WDPCP: variants seen among roughly 807,000 people sequenced by gnomAD.
WDPCP encodes WD repeat-containing and planar cell polarity effector protein fritz homolog.
WDPCP carries 71 observed loss-of-function variants against 93.1 expected under a neutral mutation model. That is an observed-to-expected ratio of 0.76 (90% CI 0.63 to 0.93). The LOEUF (loss-of-function observed/expected upper bound fraction) is 0.93, where lower values mean the gene tolerates loss of function less well. Among genes scored for constraint, WDPCP ranks in the 40% least tolerant of loss-of-function variants. WDPCP has a pLI of 0.00. For missense variants in WDPCP, 844 were observed against 887.4 expected (o/e 0.95, Z 0.62); for synonymous variants, 315 against 315.0 (o/e 1.00, Z 0.00).
intron 6 of WDPCP, among the ~76,000 whole-genome samples, chr2:63,445,160 ACACG>A (rs1697763308): frequency 7.1e-6 from 1 of 139,982 alleles, no homozygotes; most frequent in Non-Finnish European, 1.6e-5. Flanking sequence ...TTAAAAAAAA[ACACG>A]TAAGTGCCTC....
At chr2:63,139,666 TG>T (rs1670913737) in intron 17 of WDPCP, among the ~76,000 whole-genome samples, 3 of 152,340 alleles carry the variant, frequency 2.0e-5, no homozygotes, top group South Asian at 4.1e-4. Flanking sequence ...TTTATGGGAT[TG>T]TTTTTTTCTT....
chr2:63,312,594 C>T lies in WDPCP; in HGVS notation c.1812+654G>A, dbSNP rs570233433. Among the ~76,000 whole-genome samples, 24 of 152,228 alleles carry T rather than the reference C, an allele frequency of 1.6e-4. No homozygotes were observed. In the South Asian group the frequency reaches 3.7e-3, roughly 24 times the overall value. Reference sequence around the variant, plus strand: ...CTGTCTAACAGAATATGCTGGGAAACGAGGAAAGGACTTTTCCTTTGTTCA... The same window carrying T: ...CTGTCTAACAGAATATGCTGGGAAATGAGGAAAGGACTTTTCCTTTGTTCA... On this transcript the variant is annotated intron_variant, in intron 13 of 17. Transcript: ENST00000272321.
chr2:63,765,201 A>G (rs565029193), intron 2 of WDPCP, among the ~76,000 whole-genome samples: 98 of 152,322 alleles, frequency 6.4e-4, no homozygotes, highest in Non-Finnish European at 1.2e-3. Context: ...TAATGGCAGA[A>G]CTCTAACCCA....
intron 1 of WDPCP, among the ~76,000 whole-genome samples, chr2:63,558,487 C>T (rs1307748800): frequency 6.6e-6 from 1 of 150,944 alleles, no homozygotes; most frequent in Non-Finnish European, 1.5e-5. Flanking sequence ...TGAGACCGCA[C>T]CACTGCACTC....
rs1672082465 is a variant in WDPCP at position 63,154,301 on chromosome 2, TTA to T, written c.2079-729_2079-728del. Among the ~76,000 whole-genome samples, 5 of 152,186 alleles carry T rather than the reference TTA, an allele frequency of 3.3e-5. No homozygotes were observed. The South Asian group carries it at 1.0e-3, about 32-fold the overall frequency. On this transcript the variant is annotated intron_variant, in intron 15 of 17. Coordinates refer to ENST00000272321, the MANE Select transcript of WDPCP (RefSeq NM_015910.7). ...GCCAAAAAACCCTCCCTTATATACT[TTA>T]TAGTCACACCCCCTCAACCTATACA...
At chr2:63,497,661 C>T (rs6546007) in intron 1 of WDPCP, among the ~76,000 whole-genome samples, 122,374 of 152,136 alleles carry the variant, frequency 0.8, 49,887 homozygotes, top group East Asian at 0.99. Context: ...TGCAGGTTTT[C>T]TGAAAGACAC....
At chr2:63,596,655 T>C (rs963668144) in intron 3 of WDPCP, among the ~76,000 whole-genome samples, 1 of 152,250 alleles carries the variant, frequency 6.6e-6, no homozygotes, top group East Asian at 1.9e-4. Flanking sequence ...TTCAGACTTA[T>C]GGCAGCCTTG....
chr2:63,674,126 T>C (rs1373931394), intron 2 of WDPCP, among the ~76,000 whole-genome samples: 1 of 152,214 alleles, frequency 6.6e-6, no homozygotes, highest in Non-Finnish European at 1.5e-5. Context: ...CAAGGCCACA[T>C]TGGTCTGGGG....
chr2:63,762,408 T>C (rs1005637831), intron 2 of WDPCP, among the ~76,000 whole-genome samples: 3 of 152,204 alleles, frequency 2.0e-5, no homozygotes, highest in Non-Finnish European at 2.9e-5. Context: ...AATGCACTCA[T>C]TACCCCTTTC....
At chr2:63,403,685 C>T (rs1419377026) in intron 10 of WDPCP, 2 of 168,570 alleles carry the variant, frequency 1.2e-5, no homozygotes, top group Admixed American at 1.2e-4. Flanking sequence ...AAAAATTATT[C>T]CATTCCTACA....
intron 14 of WDPCP, among the ~76,000 whole-genome samples, chr2:63,194,521 GA>G (rs1675277223): frequency 7.8e-6 from 1 of 127,598 alleles, no homozygotes. Flanking sequence ...AGCAAAACAG[GA>G]AAAATATGCA....
intron 1 of WDPCP, among the ~76,000 whole-genome samples, chr2:63,555,404 T>TC (rs1453138787): frequency 2.0e-5 from 1 of 49,678 alleles, no homozygotes; most frequent in African/African-American, 2.4e-4. Flanking sequence ...GCGGACTTAG[T>TC]TTTTCCCCTG....
At chr2:63,461,849 C>A (rs1316087759) in intron 6 of WDPCP, among the ~76,000 whole-genome samples, 1 of 152,176 alleles carries the variant, frequency 6.6e-6, no homozygotes, top group African/African-American at 2.4e-5. Context: ...TTTCCAGTTT[C>A]CCACCTGTCC....
intron 1 of WDPCP, among the ~76,000 whole-genome samples, chr2:63,511,770 C>T (rs923275799): frequency 3.3e-5 from 5 of 152,092 alleles, no homozygotes; most frequent in Admixed American, 6.6e-5. Flanking sequence ...AAGATTTAAA[C>T]GTAAGACCTA....
At chr2:63,470,111 C>T (rs887308312) in intron 6 of WDPCP, among the ~76,000 whole-genome samples, 6 of 152,152 alleles carry the variant, frequency 3.9e-5, no homozygotes, top group Admixed American at 1.3e-4. Context: ...CCCTTTTCTC[C>T]GTCTCTCTAA....
At chr2:63,604,918 C>T (rs745767721) in intron 3 of WDPCP, 23 of 1,588,836 alleles carry the variant, frequency 1.4e-5, no homozygotes, top group Non-Finnish European at 2.0e-5. Context: ...GTAAAGAACT[C>T]TTGAGAGACT....
At chr2:63,438,077 A>G (rs1697259585) in intron 7 of WDPCP, 1 of 1,071,212 alleles carries the variant, frequency 9.3e-7, no homozygotes, top group African/African-American at 1.6e-5. Flanking sequence ...CAATATGTAC[A>G]TTACATAAAT....
At chr2:63,464,850 A>T (rs1699239315) in intron 6 of WDPCP, among the ~76,000 whole-genome samples, 2 of 152,086 alleles carry the variant, frequency 1.3e-5, no homozygotes, top group African/African-American at 2.4e-5. Context: ...TCATAGAAAC[A>T]GAAAGTAGAA....
At chr2:63,325,140 G>A (rs1372938811) in intron 12 of WDPCP, among the ~76,000 whole-genome samples, 2 of 152,186 alleles carry the variant, frequency 1.3e-5, no homozygotes, top group Non-Finnish European at 2.9e-5. Flanking sequence ...AAAAGGAAAA[G>A]CAAGATCAGA....
Sources: gnomAD v4.1 joint callset for allele counts (sites outside exome capture counted in the v4.1 genomes callset) on GRCh38, gnomAD v4.1.1 for gene constraint, MANE v1.5 for transcripts, NCBI Gene and HGNC (gene_info 2026-07-23, HGNC 2026-07-21) for gene names.